Variants in DLGAP1 observed in about 807,000 individuals in gnomAD.
DLGAP1 encodes DLG associated protein 1.
A neutral mutation model predicts 90.8 loss-of-function variants in DLGAP1; 11 were observed. The observed-to-expected ratio is 0.12, with a 90% confidence interval of 0.08 to 0.20. DLGAP1 has a LOEUF of 0.20. Ranked by LOEUF, DLGAP1 falls within the 10% of genes least tolerant of loss-of-function variation. DLGAP1 has a pLI of 1.00. For synonymous variants in DLGAP1, 558 were observed against 540.7 expected (o/e 1.03, Z -0.44); for missense variants, 1,050 against 1,333.8 (o/e 0.79, Z 3.31).
chr18:4,037,270 T>A (rs937998041), intron 2 of DLGAP1, among the ~76,000 whole-genome samples: 1 of 152,172 alleles, frequency 6.6e-6, no homozygotes, highest in Non-Finnish European at 1.5e-5. Flanking sequence ...ATAATTAATA[T>A]TATTAATATG....
Position 4,387,085 on chromosome 18 carries a change from T to A in DLGAP1, c.-267+67921A>T, listed in dbSNP as rs191095508. 7.9e-5 allele frequency among the ~76,000 whole-genome samples: 12 copies of A among 152,290 alleles called. No individual in the cohort carries two copies. In the East Asian group the frequency reaches 2.3e-3, roughly 29 times the overall value. ...CAATATTTAGGGACCACCCATTGTG[T>A]TCTAAATACCTAAACCCTCATTGGA... On this transcript the variant is annotated intron_variant, in intron 1 of 12. Coordinates refer to ENST00000315677, the MANE Select transcript of DLGAP1 (RefSeq NM_004746.4).
At chr18:3,551,963 T>G (rs2144832590) in intron 9 of DLGAP1, among the ~76,000 whole-genome samples, 1 of 151,080 alleles carries the variant, frequency 6.6e-6, no homozygotes, top group Admixed American at 6.6e-5. Context: ...TTAAATTGTT[T>G]TTTTTTTTCT....
At chr18:3,771,858 T>C (rs1440805643) in intron 5 of DLGAP1, among the ~76,000 whole-genome samples, 2 of 150,732 alleles carry the variant, frequency 1.3e-5, no homozygotes, top group African/African-American at 2.4e-5. Context: ...AAAAAATCCA[T>C]GTGGCCACTG....
At chr18:3,883,978 A>G (rs1438486983) in intron 3 of DLGAP1, among the ~76,000 whole-genome samples, 1 of 152,188 alleles carries the variant, frequency 6.6e-6, no homozygotes, top group Non-Finnish European at 1.5e-5. Flanking sequence ...CGCCTGGAAG[A>G]GAGAGAGAAA....
intron 1 of DLGAP1, among the ~76,000 whole-genome samples, chr18:4,369,391 C>G (rs1187105257): frequency 6.6e-6 from 1 of 152,132 alleles, no homozygotes; most frequent in African/African-American, 2.4e-5. Flanking sequence ...GATCCCAAAT[C>G]TTATCTTCGG....
intron 3 of DLGAP1, among the ~76,000 whole-genome samples, chr18:3,988,294 A>G (rs1005582352): frequency 6.6e-6 from 1 of 152,158 alleles, no homozygotes. Flanking sequence ...ATACAATTGA[A>G]GTACCTCAAC....
intron 2 of DLGAP1, among the ~76,000 whole-genome samples, chr18:4,052,809 T>C (rs1289301747): frequency 6.6e-6 from 1 of 152,108 alleles, no homozygotes; most frequent in African/African-American, 2.4e-5. Context: ...AGATATCCCA[T>C]ATCATCTCTC....
intron 1 of DLGAP1, among the ~76,000 whole-genome samples, chr18:4,181,507 T>A (rs934343768): frequency 6.6e-6 from 1 of 152,190 alleles, no homozygotes; most frequent in Non-Finnish European, 1.5e-5. Context: ...TCAATACCTC[T>A]GTGAACAAGG....
intron 7 of DLGAP1, among the ~76,000 whole-genome samples, chr18:3,640,000 T>C (rs972938102): frequency 6.6e-6 from 1 of 151,738 alleles, no homozygotes; most frequent in Non-Finnish European, 1.5e-5. Context: ...GTAATCCGCC[T>C]GCCTCGGCCT....
chr18:4,012,930 C>T (rs1024301402), intron 2 of DLGAP1, among the ~76,000 whole-genome samples: 6 of 152,220 alleles, frequency 3.9e-5, no homozygotes, highest in South Asian at 4.2e-4. Context: ...GTCTTGAACT[C>T]CTGAGCTCAA....
chr18:3,723,952 T>TA (rs1263552774), intron 7 of DLGAP1, among the ~76,000 whole-genome samples: 1 of 152,176 alleles, frequency 6.6e-6, no homozygotes, highest in East Asian at 1.9e-4. Flanking sequence ...CCTAGGTTCT[T>TA]ACTCCCCTTC....
intron 7 of DLGAP1, among the ~76,000 whole-genome samples, chr18:3,627,513 A>G (rs996503055): frequency 6.6e-6 from 1 of 151,944 alleles, no homozygotes; most frequent in African/African-American, 2.4e-5. Context: ...ACAGTCCTAC[A>G]CGCTATCCGG....
intron 9 of DLGAP1, among the ~76,000 whole-genome samples, chr18:3,541,907 A>G (rs63298463): frequency 4.0e-4 from 51 of 127,542 alleles, no homozygotes; most frequent in African/African-American, 1.3e-3. Flanking sequence ...ATATTGGTGG[A>G]AAAAAAAAAA....
intron 5 of DLGAP1, among the ~76,000 whole-genome samples, chr18:3,746,461 A>G (rs529574407): frequency 1.3e-5 from 2 of 152,312 alleles, no homozygotes; most frequent in Non-Finnish European, 2.9e-5. Flanking sequence ...AAGGTTAATG[A>G]ATGGAAGTAC....
chr18:4,322,796 C>G (rs528456552), intron 1 of DLGAP1, among the ~76,000 whole-genome samples: 3 of 151,768 alleles, frequency 2.0e-5, no homozygotes, highest in Non-Finnish European at 4.4e-5. Flanking sequence ...TCCGTCTCTA[C>G]GAAAAAATAC....
At chr18:3,960,767 C>T (rs1301562343) in intron 3 of DLGAP1, among the ~76,000 whole-genome samples, 2 of 152,216 alleles carry the variant, frequency 1.3e-5, no homozygotes, top group South Asian at 2.1e-4. Context: ...TCTAGCCTTG[C>T]TCCCTGCAGG....
intron 10 of DLGAP1, among the ~76,000 whole-genome samples, chr18:3,530,108 G>C (rs1237381606): frequency 6.6e-6 from 1 of 152,174 alleles, no homozygotes; most frequent in Non-Finnish European, 1.5e-5. Flanking sequence ...CAAGAGTCCT[G>C]TTGAAAGCCA....
intron 1 of DLGAP1, among the ~76,000 whole-genome samples, chr18:4,387,930 T>TACACAC (rs1171436413): frequency 1.5e-4 from 18 of 123,338 alleles, no homozygotes; most frequent in African/African-American, 5.5e-4. Context: ...CCATCACACA[T>TACACAC]ACACACACAC....
At chr18:3,760,605 C>T (rs535777335) in intron 5 of DLGAP1, among the ~76,000 whole-genome samples, 19 of 152,048 alleles carry the variant, frequency 1.2e-4, no homozygotes, top group Non-Finnish European at 7.4e-5. Context: ...TGTGTGAGAA[C>T]GCGGTCATAC....
Sources: allele counts gnomAD v4.1 joint callset (sites outside exome capture counted in the v4.1 genomes callset), GRCh38; gene constraint gnomAD v4.1.1; transcripts MANE v1.5; gene names NCBI Gene and HGNC (gene_info 2026-07-23, HGNC 2026-07-21).